The following FAM20B variants were observed in gnomAD, a reference collection of about 807,000 sequenced individuals.
FAM20B encodes the protein FAM20B glycosaminoglycan xylosylkinase.
Under a neutral mutation model 43.8 loss-of-function variants are expected in FAM20B, and 23 were observed. The observed-to-expected ratio is 0.53, with a 90% CI of 0.38 to 0.74. The LOEUF (loss-of-function observed/expected upper bound fraction) is 0.74. Among genes scored for constraint, FAM20B ranks in the 30% least tolerant of loss-of-function variants. FAM20B has a pLI of 0.00. For synonymous variants in FAM20B, 178 were observed against 192.4 expected (o/e 0.93, Z 0.62); for missense variants, 440 against 510.5 (o/e 0.86, Z 1.33).
Position 179,073,280 on chromosome 1 carries a change from AT to A in FAM20B, c.*1138del, listed in dbSNP as rs1652003706. 1 of 152,108 alleles carries A rather than the reference AT, an allele frequency of 6.6e-6. No homozygotes were observed. The highest frequency in any genetic ancestry group is 2.4e-5 in the African/African-American group (1 of 41,416). The allele number at this position is 152,108 out of a possible 1,614,324, so 9.4% of individuals were successfully genotyped here. ...ATCTTGTGATTTGGGGCCATGGAAG[AT>A]TGGAAACAAAGATTTTAAGCCTTCT... On this transcript the variant is annotated 3_prime_UTR_variant, in exon 8 of 8. Transcript: ENST00000263733.
intron 2 of FAM20B, among the ~76,000 whole-genome samples, chr1:179,048,396 A>G (rs560715401): frequency 3.0e-4 from 45 of 152,220 alleles, no homozygotes; most frequent in Non-Finnish European, 4.6e-4. Flanking sequence ...TCTTCCCTCC[A>G]TCTTTTCCTC....
In FAM20B at chr1:179,044,000, G is replaced by T; in HGVS notation, c.153G>T (p.Glu51Asp). 1 of 1,614,172 alleles carries T rather than the reference G, an allele frequency of 6.2e-7. No homozygotes were observed. Among genetic ancestry groups the T allele is most frequent in the Non-Finnish European group, 8.5e-7 (1 of 1,180,006 alleles). ...GAATGATGACTGGCTTGCGGGTGGA[G>T]CTGGCACCCAAGCTGGACCATACCT... is the stretch of plus-strand genomic sequence containing the variant. ...FHRMMTGLRV[E>D]LAPKLDHTLQ... Residue 51 changes from glutamate to aspartate, a missense_variant, in exon 2 of 8, where the codon GAG becomes GAT. Glu to Asp is a conservative substitution (Grantham distance 45). Coordinates refer to ENST00000263733, the MANE Select transcript of FAM20B (RefSeq NM_014864.4).
rs965565927 is a variant in FAM20B at position 179,043,753 on chromosome 1, G to A, written c.-95G>A. 13 of 1,264,996 alleles carry A rather than the reference G, an allele frequency of 1.0e-5. No individual in the cohort carries two copies. The highest frequency in any genetic ancestry group is 3.0e-5 in the African/African-American group (2 of 67,032). The allele number at this position is 1,264,996 out of a possible 1,614,324, so 78.4% of individuals were successfully genotyped here. A position where few individuals can be genotyped will look rare whatever the true frequency, so the allele number is the denominator to read the frequency against. On this transcript the variant is annotated 5_prime_UTR_variant, in exon 2 of 8. It adds an upstream start codon to the 5' untranslated region. Transcript: ENST00000263733. The stretch of plus-strand genomic sequence containing the variant: ...TGCATCAGTGAAGAAATGGACCAAT[G>A]TGTATAATCATGGAATCTCCTTGCT...
chr1:179,064,442 G>A lies in FAM20B; in HGVS notation c.884G>A (p.Ser295Asn), dbSNP rs1363518512. 6.2e-7 allele frequency: 1 copy of A among 1,614,172 alleles called. No individual in the cohort carries two copies. The part of the protein sequence containing the change: ...IGNADRHHYE[S>N]FQDDEGASML... Reference sequence around the variant, plus strand: ...AATGCTGACCGCCATCACTATGAGAGCTTTCAAGATGATGAAGGCGCTAGT... The same window carrying A: ...AATGCTGACCGCCATCACTATGAGAACTTTCAAGATGATGAAGGCGCTAGT... Residue 295 changes from serine (S) to asparagine (N), a missense_variant, in exon 6 of 8, where the codon AGC becomes AAC. Ser to Asn is a conservative substitution (Grantham distance 46, BLOSUM62 1). Coordinates refer to ENST00000263733, the MANE Select transcript of FAM20B (RefSeq NM_014864.4).
At chr1:179,021,986 G>A (rs1044146794), upstream of FAM20B, among the ~76,000 whole-genome samples, 1 of 152,212 alleles carries the variant, frequency 6.6e-6, no homozygotes, top group Non-Finnish European at 1.5e-5. Flanking sequence ...AGCTGGGTGT[G>A]CTGTGTATGT....
intron 4 of FAM20B, 77 bp from the exon 5 acceptor site, chr1:179,063,850 T>A (rs1429727088): frequency 2.0e-6 from 2 of 1,006,228 alleles, no homozygotes; most frequent in African/African-American, 3.2e-5. Flanking sequence ...TTAGCTACTC[T>A]GTTCTGCATT....
chr1:179,062,014 C>CTT (rs72100571), intron 4 of FAM20B, among the ~76,000 whole-genome samples: 3 of 146,540 alleles, frequency 2.0e-5, no homozygotes, highest in African/African-American at 7.5e-5. Context: ...ACCCTAGTTC[C>CTT]TTTTTTTTTT....
intron 1 of FAM20B, among the ~76,000 whole-genome samples, chr1:179,028,410 C>T (rs1360241903): frequency 6.6e-6 from 1 of 152,138 alleles, no homozygotes; most frequent in South Asian, 2.1e-4. Flanking sequence ...GGTGAAACCC[C>T]GTCTCTACTA....
At chr1:179,047,088 T>C (rs111232054) in intron 2 of FAM20B, among the ~76,000 whole-genome samples, 9 of 152,298 alleles carry the variant, frequency 5.9e-5, no homozygotes, top group South Asian at 2.1e-4. Flanking sequence ...AAGACAGATA[T>C]TCCCAAGAGC....
At chr1:179,028,574 G>A (rs1431118099) in intron 1 of FAM20B, among the ~76,000 whole-genome samples, 1 of 152,008 alleles carries the variant, frequency 6.6e-6, no homozygotes, top group Non-Finnish European at 1.5e-5. Context: ...GTGAGACTCC[G>A]TCTCAAAAAA....
rs1311580518 is a variant in FAM20B, at chr1:179,064,364, G to T, written c.806G>T (p.Gly269Val). 1 of 1,613,958 alleles carries T rather than the reference G, an allele frequency of 6.2e-7. No individual in the cohort carries two copies. Among genetic ancestry groups the T allele is most frequent in the Non-Finnish European group, 8.5e-7 (1 of 1,179,984 alleles). The change falls in exon 6 of 8, where the codon GGC (glycine) becomes GTC (valine). Residue 269 changes from glycine to valine, a missense_variant. Coordinates refer to ENST00000263733, the MANE Select transcript of FAM20B (RefSeq NM_014864.4). The stretch of plus-strand genomic sequence containing the variant: ...AAGAAAACGTCCCCTTATGACTCTG[G>T]CCCGCGCCTCTTGGACATCATTGAC... The part of the protein sequence containing the change: ...AVKKTSPYDS[G>V]PRLLDIIDTA...
chr1:179,054,712 G>A, intron 4 of FAM20B, 74 bp downstream of exon 4: 1 of 889,102 alleles, frequency 1.1e-6, no homozygotes. Flanking sequence ...TGAGCAAGCT[G>A]GCTCATGACT....
intron 6 of FAM20B, among the ~76,000 whole-genome samples, chr1:179,065,154 T>G (rs943242147): frequency 6.6e-6 from 1 of 152,176 alleles, no homozygotes; most frequent in Non-Finnish European, 1.5e-5. Context: ...ACACTTTTTT[T>G]TTTTAAGTTT....
intron 1 of FAM20B, among the ~76,000 whole-genome samples, chr1:179,026,573 C>T (rs1649793556): frequency 6.6e-6 from 1 of 152,182 alleles, no homozygotes; most frequent in South Asian, 2.1e-4. Flanking sequence ...CTTTGCTGGG[C>T]CCGCCTCGTG....
At chr1:179,056,220 A>G (rs1651212761) in intron 4 of FAM20B, among the ~76,000 whole-genome samples, 1 of 152,180 alleles carries the variant, frequency 6.6e-6, no homozygotes, top group African/African-American at 2.4e-5. Flanking sequence ...ATATAATGAC[A>G]TGTATACATC....
intron 4 of FAM20B, 60 bp downstream of exon 4, chr1:179,054,698 T>G: frequency 9.5e-7 from 1 of 1,050,652 alleles, no homozygotes; most frequent in Non-Finnish European, 1.4e-6. Flanking sequence ...AAATGGGGCA[T>G]TGTTGAGCAA....
chr1:179,066,954 A>G (rs1363957328), intron 7 of FAM20B, 95 bp downstream of exon 7: 2 of 851,230 alleles, frequency 2.3e-6, no homozygotes, highest in African/African-American at 3.3e-5. Context: ...AAACTTTCTG[A>G]TACCTGAGCA....
intron 4 of FAM20B, among the ~76,000 whole-genome samples, chr1:179,059,841 G>A (rs543200332): frequency 5.9e-5 from 9 of 151,822 alleles, no homozygotes; most frequent in Admixed American, 1.3e-4. Context: ...GTGTGGTGGT[G>A]CACGTCTGTA....
chr1:179,054,466 G>A (rs2147769), intron 3 of FAM20B, 63 bp from the exon 4 acceptor site: 3 of 1,009,862 alleles, frequency 3.0e-6, no homozygotes, highest in African/African-American at 1.6e-5. Flanking sequence ...TAATTTTTAA[G>A]ACTGTTACTT....
Sources: gnomAD v4.1 joint callset for allele counts (sites outside exome capture counted in the v4.1 genomes callset) on GRCh38, gnomAD v4.1.1 for gene constraint, MANE v1.5 for transcripts, NCBI Gene and HGNC (gene_info 2026-07-23, HGNC 2026-07-21) for gene names.